EPM2A: variants seen among roughly 807,000 people sequenced by gnomAD.
EPM2A encodes laforin.
In EPM2A, 21 loss-of-function variants were observed where a neutral mutation model predicts 26.5. That is an observed-to-expected ratio of 0.79 (90% CI 0.56 to 1.14). The LOEUF (loss-of-function observed/expected upper bound fraction) is 1.14, where lower values mean the gene tolerates loss of function less well. Ranked by LOEUF, EPM2A falls within the 50% of genes most tolerant of loss-of-function variation. The pLI, the probability that EPM2A is intolerant of heterozygous loss-of-function variation, is 0.00. For synonymous variants in EPM2A, 217 were observed against 177.6 expected, an observed-to-expected ratio of 1.22 and a Z score of -1.76; for missense variants, 458 against 440.8, an observed-to-expected ratio of 1.04 and a Z score of -0.35.
chr6:145,673,705 C>T (rs187355388), intron 2 of EPM2A, among the ~76,000 whole-genome samples: 14 of 152,236 alleles, frequency 9.2e-5, no homozygotes, highest in Non-Finnish European at 1.9e-4. Flanking sequence ...ACCTGAGAGG[C>T]TGCAGCCTGG....
intron 2 of EPM2A, among the ~76,000 whole-genome samples, chr6:145,525,282 T>C (rs964330961): frequency 1.3e-5 from 2 of 151,914 alleles, no homozygotes; most frequent in Non-Finnish European, 2.9e-5. Flanking sequence ...GCTTTGGCGA[T>C]TCAGGGTCTT....
intron 2 of EPM2A, among the ~76,000 whole-genome samples, chr6:145,652,248 T>G (rs1304716019): frequency 2.0e-5 from 3 of 152,190 alleles, no homozygotes; most frequent in African/African-American, 7.2e-5. Flanking sequence ...CCTAACACAT[T>G]AAATTTAGGT....
intron 2 of EPM2A, among the ~76,000 whole-genome samples, chr6:145,551,529 C>T (rs455109): frequency 0.48 from 72,913 of 151,838 alleles, 17,495 homozygotes; most frequent in South Asian, 0.61. Flanking sequence ...AGAAAAAATA[C>T]ATATACTCTG....
intron 1 of EPM2A, among the ~76,000 whole-genome samples, chr6:145,729,220 CA>C (rs1442501879): frequency 6.6e-6 from 1 of 152,200 alleles, no homozygotes; most frequent in Non-Finnish European, 1.5e-5. Context: ...AGGCAGTGCA[CA>C]GGGGAAATGT....
At position 145,651,674 on chromosome 6, in the gene EPM2A, G is replaced by A. The variant is rs560129486; in HGVS notation, c.477-16188C>T. On this transcript the variant is annotated intron_variant, in intron 2 of 3. Transcript: ENST00000367519. ...CGAGGAAAGAAAGAAGAATGCTCAT[G>A]AATATAAAATAACTGAAAGAGAAAA... is the stretch of plus-strand genomic sequence containing the variant. Among the ~76,000 whole-genome samples, 3 of 152,250 alleles carry A rather than the reference G, an allele frequency of 2.0e-5. No individual in the cohort carries two copies. The South Asian group carries it at 6.2e-4, about 32-fold the overall frequency.
chr6:145,486,073 T>C (rs1197138121), intron 4 of EPM2A, among the ~76,000 whole-genome samples: 1 of 152,182 alleles, frequency 6.6e-6, no homozygotes, highest in Non-Finnish European at 1.5e-5. Context: ...TTTCATGCTG[T>C]GAGCTGTGGG....
intron 4 of EPM2A, among the ~76,000 whole-genome samples, chr6:145,441,619 C>A (rs1294294893): frequency 6.6e-6 from 1 of 151,900 alleles, no homozygotes; most frequent in African/African-American, 2.4e-5. Context: ...ATCCTAGCAC[C>A]CTGGGAGGCT....
chr6:145,484,692 A>C (rs1779651629), intron 4 of EPM2A, among the ~76,000 whole-genome samples: 1 of 152,034 alleles, frequency 6.6e-6, no homozygotes, highest in Non-Finnish European at 1.5e-5. Context: ...AAATATGCGA[A>C]AACAAAATGT....
chr6:145,663,385 C>G (rs563832818), intron 2 of EPM2A, among the ~76,000 whole-genome samples: 107 of 152,324 alleles, frequency 7.0e-4, no homozygotes, highest in African/African-American at 2.4e-3. Flanking sequence ...ACAGTGGGCA[C>G]AGGCCAGTGG....
chr6:145,732,698 T>C (rs1447963182), intron 1 of EPM2A, among the ~76,000 whole-genome samples: 1 of 152,210 alleles, frequency 6.6e-6, no homozygotes, highest in East Asian at 1.9e-4. Flanking sequence ...TGATTTATAG[T>C]GAAGAAAAGA....
At chr6:145,412,235 TC>T (rs201064461) in intron 4 of EPM2A, among the ~76,000 whole-genome samples, 1 of 147,756 alleles carries the variant, frequency 6.8e-6, no homozygotes, top group Non-Finnish European at 1.5e-5. Flanking sequence ...AAAAAAAAAT[TC>T]ATCTTCATCT....
rs1165374858 is a variant in EPM2A at position 145,686,339 on chromosome 6, T to C, written c.302-43A>G. 3 of 1,532,596 alleles carry C rather than the reference T, an allele frequency of 2.0e-6. No individual in the cohort carries two copies. The East Asian group carries it at 6.7e-5, about 34-fold the overall frequency. The allele number at this position is 1,532,596 out of a possible 1,614,324, so 94.9% of individuals were successfully genotyped here. On this transcript the variant is annotated intron_variant, in intron 1 of 3. Transcript: ENST00000367519. Reference sequence around the variant, plus strand: ...GATAAACAGAGCAATTAAATCAGTGTTTTGTTTAAATATCCTCAAAGCAGC... The same window carrying C: ...GATAAACAGAGCAATTAAATCAGTGCTTTGTTTAAATATCCTCAAAGCAGC...
intron 4 of EPM2A, among the ~76,000 whole-genome samples, chr6:145,390,865 C>T (rs1227380447): frequency 6.6e-6 from 1 of 152,076 alleles, no homozygotes; most frequent in African/African-American, 2.4e-5. Flanking sequence ...AACTTTTCAC[C>T]TTCTTTCCAT....
chr6:145,654,235 G>C (rs1179006860), intron 2 of EPM2A, among the ~76,000 whole-genome samples: 1 of 150,344 alleles, frequency 6.7e-6, no homozygotes, highest in Non-Finnish European at 1.5e-5. Flanking sequence ...TTGTTGCCCA[G>C]ACTAGAGCAC....
intron 4 of EPM2A, among the ~76,000 whole-genome samples, chr6:145,447,519 T>C (rs925392397): frequency 6.6e-6 from 1 of 151,598 alleles, no homozygotes; most frequent in Non-Finnish European, 1.5e-5. Context: ...TATTTACAGT[T>C]TTCAGTATTT....
At chr6:145,682,807 C>T (rs1211814342) in intron 2 of EPM2A, 1 of 151,928 alleles carries the variant, frequency 6.6e-6, no homozygotes, top group African/African-American at 2.4e-5. Context: ...ATGATTTATC[C>T]CAACCATAAA....
intron 2 of EPM2A, among the ~76,000 whole-genome samples, chr6:145,576,569 A>C (rs899041544): frequency 2.0e-4 from 31 of 152,344 alleles, no homozygotes; most frequent in Non-Finnish European, 4.1e-4. Context: ...TTCAAACATG[A>C]AGGAGAAATA....
At chr6:145,618,580 G>A (rs1237695384) in intron 2 of EPM2A, among the ~76,000 whole-genome samples, 1 of 152,192 alleles carries the variant, frequency 6.6e-6, no homozygotes, top group Non-Finnish European at 1.5e-5. Context: ...TTTGATACAA[G>A]GCTTTTCCCC....
chr6:145,457,314 T>A (rs1278797477), intron 4 of EPM2A, among the ~76,000 whole-genome samples: 1 of 151,690 alleles, frequency 6.6e-6, no homozygotes, highest in Non-Finnish European at 1.5e-5. Flanking sequence ...TGAAACCCCT[T>A]CTGTACTGAA....
Sources: gnomAD v4.1 joint callset for allele counts (sites outside exome capture counted in the v4.1 genomes callset) on GRCh38, gnomAD v4.1.1 for gene constraint, MANE v1.5 for transcripts, NCBI Gene and HGNC (gene_info 2026-07-23, HGNC 2026-07-21) for gene names.